The following GRM5 variants were observed in gnomAD, a reference collection of about 807,000 sequenced individuals.
GRM5 encodes glutamate metabotropic receptor 5.
In GRM5, 19 loss-of-function variants were observed where a neutral mutation model predicts 83.1. That is an observed-to-expected ratio of 0.23 (90% CI 0.16 to 0.34). The LOEUF (loss-of-function observed/expected upper bound fraction) is 0.34, where lower values mean the gene tolerates loss of function less well. GRM5 is among the 10% of genes least tolerant of loss of function. GRM5 has a pLI of 1.00. For synonymous variants in GRM5, 675 were observed against 633.6 expected (o/e 1.07, Z -0.98); for missense variants, 1,160 against 1,588.3 (o/e 0.73, Z 4.58).
chr11:88,691,202 G>A (rs768192834), intron 3 of GRM5, among the ~76,000 whole-genome samples: 9 of 152,088 alleles, frequency 5.9e-5, no homozygotes, highest in Non-Finnish European at 1.3e-4. Flanking sequence ...TTAAATAGAG[G>A]CTTAAATCAA....
intron 3 of GRM5, among the ~76,000 whole-genome samples, chr11:88,816,681 G>T (rs1324005324): frequency 7.9e-6 from 1 of 126,968 alleles, no homozygotes; most frequent in Non-Finnish European, 1.7e-5. Flanking sequence ...AAAAATCAGT[G>T]AATCAAAAAA....
At chr11:88,974,329 C>T (rs550341677) in intron 2 of GRM5, among the ~76,000 whole-genome samples, 5 of 151,928 alleles carry the variant, frequency 3.3e-5, no homozygotes, top group African/African-American at 1.2e-4. Flanking sequence ...GATTGAAAAA[C>T]ATCTGTTGAG....
At chr11:88,676,235 C>T (rs995526567) in intron 3 of GRM5, among the ~76,000 whole-genome samples, 1 of 151,996 alleles carries the variant, frequency 6.6e-6, no homozygotes, top group South Asian at 2.1e-4. Context: ...TGGAGCCCCA[C>T]TCTCAGCACT....
Position 88,838,084 on chromosome 11 carries a change from C to CAAAAA in GRM5, c.911+11817_911+11821dup, listed in dbSNP as rs1157680177. Among the ~76,000 whole-genome samples, 297 of 55,416 alleles carry CAAAAA rather than the reference C, an allele frequency of 5.4e-3. 41 individuals are homozygous for CAAAAA. Among genetic ancestry groups the CAAAAA allele is most frequent in the Middle Eastern group, 0.031 (1 of 32 alleles). 36.4% of individuals were successfully genotyped at this position (55,416 alleles called of 152,430 possible). On this transcript the variant is annotated intron_variant, in intron 3 of 9. Transcript: ENST00000305447. ...TGGGTGACAGAGCGAGACTCCATCT[C>CAAAAA]AAAAAAAAAAAAAAAAAAAAAAAAA...
chr11:88,662,527 A>G (rs1329753955), intron 3 of GRM5, among the ~76,000 whole-genome samples: 2 of 152,174 alleles, frequency 1.3e-5, no homozygotes, highest in African/African-American at 2.4e-5. Flanking sequence ...ACTCATCTAG[A>G]TAAGTGCTTC....
At chr11:88,582,933 T>C (rs904065876) in intron 7 of GRM5, among the ~76,000 whole-genome samples, 1 of 152,122 alleles carries the variant, frequency 6.6e-6, no homozygotes, top group Non-Finnish European at 1.5e-5. Flanking sequence ...GGATTTCTTT[T>C]CCACCAGTTT....
At chr11:88,762,933 T>C (rs1241290441) in intron 3 of GRM5, among the ~76,000 whole-genome samples, 1 of 151,846 alleles carries the variant, frequency 6.6e-6, no homozygotes, top group Non-Finnish European at 1.5e-5. Flanking sequence ...GAAAACCAAA[T>C]ACTGCATGTT....
chr11:88,797,155 T>A (rs1208189782), intron 3 of GRM5, among the ~76,000 whole-genome samples: 1 of 152,068 alleles, frequency 6.6e-6, no homozygotes, highest in Non-Finnish European at 1.5e-5. Flanking sequence ...TGTTTTTTGT[T>A]TTTGTTTTTT....
intron 3 of GRM5, among the ~76,000 whole-genome samples, chr11:88,680,125 C>T (rs7106836): frequency 0.86 from 130,939 of 152,158 alleles, 56,985 homozygotes; most frequent in South Asian, 0.95. Context: ...TACATGTGCA[C>T]AACATGCAGG....
intron 2 of GRM5, among the ~76,000 whole-genome samples, chr11:88,947,472 A>G (rs558414140): frequency 6.6e-6 from 1 of 152,120 alleles, no homozygotes; most frequent in South Asian, 2.1e-4. Context: ...TTACAAATAC[A>G]CATCATGGAG....
chr11:89,054,620 A>C (rs11018443), intron 1 of GRM5, among the ~76,000 whole-genome samples: 98,738 of 151,760 alleles, frequency 0.65, 36,226 homozygotes, highest in Non-Finnish European at 0.82. Flanking sequence ...CTAGTGCCAG[A>C]GGTTGTGCCC....
chr11:88,892,657 G>A (rs1590944024), intron 2 of GRM5, among the ~76,000 whole-genome samples: 1 of 152,002 alleles, frequency 6.6e-6, no homozygotes, highest in Non-Finnish European at 1.5e-5. Flanking sequence ...GTGCTCCAAA[G>A]CTTATCATAC....
intron 3 of GRM5, among the ~76,000 whole-genome samples, chr11:88,678,309 T>A (rs1481201658): frequency 6.6e-6 from 1 of 152,114 alleles, no homozygotes; most frequent in East Asian, 1.9e-4. Flanking sequence ...TCCTCTTGCC[T>A]TGGCCTCCCG....
intron 3 of GRM5, among the ~76,000 whole-genome samples, chr11:88,833,028 G>C (rs1366316372): frequency 1.3e-5 from 2 of 151,870 alleles, no homozygotes; most frequent in Non-Finnish European, 2.9e-5. Context: ...AAACATAGAG[G>C]AAACACTTGA....
At chr11:88,877,247 C>G (rs576002964) in intron 2 of GRM5, among the ~76,000 whole-genome samples, 1 of 151,986 alleles carries the variant, frequency 6.6e-6, no homozygotes, top group Admixed American at 6.6e-5. Flanking sequence ...GAATAATATG[C>G]TAATTACCCT....
intron 3 of GRM5, among the ~76,000 whole-genome samples, chr11:88,671,486 C>G (rs1028066756): frequency 6.6e-6 from 1 of 151,992 alleles, no homozygotes; most frequent in Non-Finnish European, 1.5e-5. Context: ...TTCACAGTAG[C>G]ACTATTTGAA....
In GRM5 at chr11:88,574,073, G is replaced by A. The variant is rs576702674; in HGVS notation, c.1691-6081C>T. Among the ~76,000 whole-genome samples, 10 of 152,230 alleles carry A rather than the reference G, an allele frequency of 6.6e-5. No individual in the cohort carries two copies. The South Asian group carries it at 2.1e-3, about 32-fold the overall frequency. ...TTTATAATCTATTTTGTGGTAGGGG[G>A]AGTTTGATTGACTGTATCATTAAGG... On this transcript the variant is annotated intron_variant, in intron 7 of 9. Coordinates refer to ENST00000305447, the MANE Select transcript of GRM5 (RefSeq NM_001143831.3).
chr11:88,654,500 A>C (rs1435610953), intron 3 of GRM5, among the ~76,000 whole-genome samples: 1 of 152,084 alleles, frequency 6.6e-6, no homozygotes, highest in African/African-American at 2.4e-5. Flanking sequence ...AAGTATGGGG[A>C]AAGGGAAAAT....
chr11:88,766,156 C>T (rs1474811477), intron 3 of GRM5, among the ~76,000 whole-genome samples: 2 of 151,836 alleles, frequency 1.3e-5, no homozygotes, highest in African/African-American at 4.8e-5. Flanking sequence ...ATTAAAATGT[C>T]ATTCCTATCA....
Sources: gnomAD v4.1 joint callset for allele counts (sites outside exome capture counted in the v4.1 genomes callset) on GRCh38, gnomAD v4.1.1 for gene constraint, MANE v1.5 for transcripts, NCBI Gene and HGNC (gene_info 2026-07-23, HGNC 2026-07-21) for gene names.